ERICH3: variants seen among roughly 807,000 people sequenced by gnomAD.
The protein encoded by ERICH3 is glutamate-rich protein 3.
In ERICH3, 126 loss-of-function variants were observed where a neutral mutation model predicts 131.1. The observed-to-expected ratio is 0.96, with a 90% CI of 0.83 to 1.11. ERICH3 has a LOEUF of 1.11. Among genes scored for constraint, ERICH3 ranks in the 50% most tolerant of loss-of-function variants. The pLI is 0.00. For synonymous variants in ERICH3, 695 were observed against 644.6 expected (o/e 1.08, Z -1.18); for missense variants, 2,050 against 1,810.7 (o/e 1.13, Z -2.40).
chr1:74,643,926 T>C (rs935302659), intron 3 of ERICH3, among the ~76,000 whole-genome samples: 35 of 152,130 alleles, frequency 2.3e-4, no homozygotes, highest in African/African-American at 8.4e-4. Context: ...TAGAAAGAAA[T>C]GCATGTTAAC....
chr1:74,588,569 A>AT (rs1647443982), intron 12 of ERICH3, among the ~76,000 whole-genome samples: 1 of 152,188 alleles, frequency 6.6e-6, no homozygotes, highest in African/African-American at 2.4e-5. Flanking sequence ...ACGCAGCTGA[A>AT]TTTTAGTAAT....
chr1:74,646,803 T>C lies in ERICH3; in HGVS notation c.118-11A>G, dbSNP rs1289540047. On this transcript the variant is annotated splice_polypyrimidine_tract_variant and intron_variant, in intron 2 of 14. Transcript: ENST00000326665. ...TCCACTTCTTGTGATCTGTCATGAA[T>C]AAATAAAATATACATAGAAATATAA... is the stretch of plus-strand genomic sequence containing the variant. 2 of 1,380,100 alleles carry C rather than the reference T, an allele frequency of 1.4e-6. No individual in the cohort carries two copies. Among genetic ancestry groups the C allele is most frequent in the Admixed American group, 4.4e-5 (2 of 45,088 alleles). The allele number at this position is 1,380,100 out of a possible 1,614,324, so 85.5% of individuals were successfully genotyped here. A position where few individuals can be genotyped will look rare whatever the true frequency, so the allele number is the denominator to read the frequency against.
intron 1 of ERICH3, among the ~76,000 whole-genome samples, chr1:74,659,938 C>T (rs1350061257): frequency 6.6e-6 from 1 of 151,982 alleles, no homozygotes; most frequent in African/African-American, 2.4e-5. Context: ...TTTCTGTCAC[C>T]CAAATAGGAA....
rs1052931490 is a variant in ERICH3, at chr1:74,651,475, C to T, written c.24-2160G>A. On this transcript the variant is annotated intron_variant, in intron 1 of 14. Coordinates refer to ENST00000326665, the MANE Select transcript of ERICH3 (RefSeq NM_001002912.5). ...TTGAAACCATCTTTTAAATGAACTG[C>T]CTTGGTGTCCTATAGTTCATCAAAG... 2.0e-5 allele frequency among the ~76,000 whole-genome samples: 3 copies of T among 152,080 alleles called. No individual in the cohort carries two copies. The South Asian group carries it at 6.2e-4, about 32-fold the overall frequency.
At chr1:74,645,913 C>T (rs1329998959) in intron 3 of ERICH3, among the ~76,000 whole-genome samples, 1 of 152,002 alleles carries the variant, frequency 6.6e-6, no homozygotes, top group East Asian at 1.9e-4. Context: ...ACTCACAGGT[C>T]AATGGTTTTA....
In ERICH3 at chr1:74,673,531, C is replaced by A; in HGVS notation, c.-12G>T. 6.2e-7 allele frequency: 1 copy of A among 1,611,614 alleles called. No homozygotes were observed. The highest frequency in any genetic ancestry group is 1.1e-5 in the South Asian group (1 of 90,748). ...TGAGAATGGCTCATTTTTGCAGGAT[C>A]CCTTTTGGACCCCGCGGCAGGTGCG... On this transcript the variant is annotated 5_prime_UTR_variant, in exon 1 of 15. Transcript: ENST00000326665.
chr1:74,568,635 T>A lies in ERICH3; in HGVS notation c.*1823A>T, dbSNP rs185405674. 1.3e-5 allele frequency: 2 copies of A among 152,238 alleles called. No homozygotes were observed. The highest frequency in any genetic ancestry group is 3.9e-4 in the East Asian group (2 of 5,178). 9.4% of individuals were successfully genotyped at this position (152,238 alleles called of 1,614,324 possible). The stretch of plus-strand genomic sequence containing the variant: ...GGACTTCGTGCATGTATCAATACAA[T>A]CATAATAAAAATAAGTTTAAGATTG... On this transcript the variant is annotated 3_prime_UTR_variant, in exon 15 of 15. Coordinates refer to ENST00000326665, the MANE Select transcript of ERICH3 (RefSeq NM_001002912.5).
intron 9 of ERICH3, 131 bp from the exon 10 acceptor site, chr1:74,607,033 A>G (rs978498061): frequency 1.2e-4 from 76 of 629,902 alleles, no homozygotes; most frequent in Non-Finnish European, 1.8e-4. Context: ...TACAGTACAC[A>G]CTAATAAAAA....
chr1:74,581,554 G>T (rs1006530434), intron 12 of ERICH3, among the ~76,000 whole-genome samples: 1 of 152,054 alleles, frequency 6.6e-6, no homozygotes, highest in African/African-American at 2.4e-5. Flanking sequence ...TTTTTCTGGT[G>T]AGAGTTAATT....
intron 13 of ERICH3, 64 bp downstream of exon 13, chr1:74,576,831 C>A: frequency 3.6e-6 from 5 of 1,406,710 alleles, no homozygotes; most frequent in African/African-American, 1.5e-5. Context: ...GAAGTTTGAC[C>A]AGATTTATGA....
rs1286943396 is a variant in ERICH3, at chr1:74,579,754, C to T, written c.2177-2818G>A. 4.1e-6 allele frequency: 4 copies of T among 985,224 alleles called. No individual in the cohort carries two copies. The African/African-American group carries it at 5.2e-5, about 13-fold the overall frequency. 61.0% of individuals were successfully genotyped at this position (985,224 alleles called of 1,614,324 possible). Reference sequence around the variant, plus strand: ...CTCCCATTTCAGCAATGTGACATATCACTTTGTTGCCTCTCTGTATTTAGC... The same window carrying T: ...CTCCCATTTCAGCAATGTGACATATTACTTTGTTGCCTCTCTGTATTTAGC... On this transcript the variant is annotated intron_variant, in intron 12 of 14. Coordinates refer to ENST00000326665, the MANE Select transcript of ERICH3 (RefSeq NM_001002912.5).
intron 10 of ERICH3, among the ~76,000 whole-genome samples, chr1:74,600,372 G>C (rs1648071854): frequency 6.6e-6 from 1 of 151,826 alleles, no homozygotes; most frequent in South Asian, 2.1e-4. Flanking sequence ...TTAATGAATA[G>C]TGAAGTGGAA....
chr1:74,636,234 T>C (rs759001436), intron 6 of ERICH3, 46 bp downstream of exon 6: 1 of 1,449,530 alleles, frequency 6.9e-7, no homozygotes, highest in Admixed American at 2.1e-5. Flanking sequence ...CCTATAATAA[T>C]CTACTCAAAA....
chr1:74,660,004 A>G (rs920533624), intron 1 of ERICH3, among the ~76,000 whole-genome samples: 2 of 152,128 alleles, frequency 1.3e-5, no homozygotes, highest in Non-Finnish European at 2.9e-5. Flanking sequence ...TCTCATCTTG[A>G]ATTGTAATTC....
At chr1:74,660,519 T>A (rs1228494171) in intron 1 of ERICH3, among the ~76,000 whole-genome samples, 3 of 150,682 alleles carry the variant, frequency 2.0e-5, no homozygotes, top group Non-Finnish European at 4.4e-5. Flanking sequence ...ATAGCCTACT[T>A]AAACTCTTTA....
intron 2 of ERICH3, among the ~76,000 whole-genome samples, 167 bp downstream of exon 2, chr1:74,649,055 A>G (rs1646509589): frequency 1.3e-5 from 2 of 152,158 alleles, no homozygotes; most frequent in South Asian, 4.1e-4. Flanking sequence ...CTGCCTTCCT[A>G]TCTTTTCAAA....
intron 5 of ERICH3, among the ~76,000 whole-genome samples, chr1:74,636,951 T>A (rs1482893901): frequency 6.6e-6 from 1 of 152,208 alleles, no homozygotes; most frequent in Admixed American, 6.5e-5. Flanking sequence ...AGGAAATTCA[T>A]TACAATTTAT....
rs1475365781 is a variant in ERICH3 at position 74,631,804 on chromosome 1, T to A, written c.728A>T (p.Lys243Ile). ...PIPPPLPPTGKITRENRSETW... is the reference protein window; with the variant it reads ...PIPPPLPPTGIITRENRSETW... ...TTCAGATCTATTTTCTCTTGTGATT[T>A]TCCCAGTTGGGGGAAGTGGAGGAGG... The change falls in exon 7 of 15, where the codon AAA (lysine) becomes ATA (isoleucine). Residue 243 changes from lysine to isoleucine, a missense_variant. Coordinates refer to ENST00000326665, the MANE Select transcript of ERICH3 (RefSeq NM_001002912.5). The A allele has an allele frequency of 6.2e-7, 1 of 1,613,644 alleles. No homozygotes were observed. The highest frequency in any genetic ancestry group is 8.5e-7 in the Non-Finnish European group (1 of 1,179,700).
intron 1 of ERICH3, among the ~76,000 whole-genome samples, chr1:74,665,227 C>A (rs907288899): frequency 6.6e-6 from 1 of 151,492 alleles, no homozygotes; most frequent in Non-Finnish European, 1.5e-5. Context: ...AAAAAAACAG[C>A]CATCTGTGAA....
Sources: allele counts gnomAD v4.1 joint callset (sites outside exome capture counted in the v4.1 genomes callset), GRCh38; gene constraint gnomAD v4.1.1; transcripts MANE v1.5; gene names NCBI Gene and HGNC (gene_info 2026-07-23, HGNC 2026-07-21).